The following MACROD2 variants were observed in gnomAD, a reference collection of about 807,000 sequenced individuals.
MACROD2 encodes the protein ADP-ribose glycohydrolase MACROD2.
Under a neutral mutation model 70.4 loss-of-function variants are expected in MACROD2, and 36 were observed. The ratio of observed to expected loss-of-function variants is 0.51; its 90% CI spans 0.39 to 0.68. MACROD2 has a LOEUF of 0.68. Ranked by LOEUF, MACROD2 falls within the 30% of genes least tolerant of loss-of-function variation. The pLI is 0.00. For missense variants in MACROD2, 496 were observed against 538.4 expected (o/e 0.92, Z 0.78); for synonymous variants, 172 against 178.8 (o/e 0.96, Z 0.30).
rs1004882513 is a variant in MACROD2 at position 14,295,393 on chromosome 20, G to C, written c.272-198086G>C. On this transcript the variant is annotated intron_variant, in intron 3 of 17. Coordinates refer to ENST00000684519, the MANE Select transcript of MACROD2 (RefSeq NM_001351661.2). The stretch of plus-strand genomic sequence containing the variant: ...ACCTGAGAGGAGGGAAATCAATAAG[G>C]CCGGCCCAACAATTGTCCCAGCTTC... Among the ~76,000 whole-genome samples, 18 of 151,874 alleles carry C rather than the reference G, an allele frequency of 1.2e-4. 1 individual carries two copies. The highest frequency in any genetic ancestry group is 4.1e-4 in the African/African-American group (17 of 41,216).
At chr20:14,444,530 T>A (rs1274348328) in intron 3 of MACROD2, among the ~76,000 whole-genome samples, 4 of 152,088 alleles carry the variant, frequency 2.6e-5, no homozygotes, top group African/African-American at 7.3e-5. Context: ...AGGGCTCTTT[T>A]CTGACTACAT....
At chr20:15,902,810 C>T (rs1388158889) in intron 10 of MACROD2, among the ~76,000 whole-genome samples, 1 of 152,004 alleles carries the variant, frequency 6.6e-6, no homozygotes, top group East Asian at 1.9e-4. Context: ...TGACTGCAGA[C>T]GTAGCTGACA....
chr20:15,449,537 C>T (rs1268834391), intron 7 of MACROD2, among the ~76,000 whole-genome samples: 5 of 152,130 alleles, frequency 3.3e-5, no homozygotes, highest in Admixed American at 3.3e-4. Context: ...GTTTCTTATG[C>T]ATTTTCCAAA....
intron 5 of MACROD2, among the ~76,000 whole-genome samples, chr20:14,997,201 G>T (rs774561318): frequency 6.6e-6 from 1 of 152,164 alleles, no homozygotes; most frequent in Non-Finnish European, 1.5e-5. Context: ...GTTTTACAAC[G>T]TGGATACCAG....
chr20:14,032,350 A>G (rs1014073077), intron 2 of MACROD2, among the ~76,000 whole-genome samples: 1 of 152,136 alleles, frequency 6.6e-6, no homozygotes, highest in African/African-American at 2.4e-5. Flanking sequence ...GAGGCAGTGC[A>G]TATTTAACAC....
chr20:14,519,715 G>C (rs564086893), intron 4 of MACROD2, among the ~76,000 whole-genome samples: 278 of 152,210 alleles, frequency 1.8e-3, no homozygotes, highest in African/African-American at 6.5e-3. Context: ...CCATTATTGG[G>C]TATATACCCA....
At chr20:14,333,583 A>G (rs892039383) in intron 3 of MACROD2, among the ~76,000 whole-genome samples, 13 of 152,166 alleles carry the variant, frequency 8.5e-5, no homozygotes, top group Non-Finnish European at 1.6e-4. Flanking sequence ...AAGTTTGCCT[A>G]CTTTTGTTAA....
At chr20:14,402,744 T>C (rs1340235132) in intron 3 of MACROD2, among the ~76,000 whole-genome samples, 1 of 152,194 alleles carries the variant, frequency 6.6e-6, no homozygotes, top group Non-Finnish European at 1.5e-5. Flanking sequence ...CTAACAATCA[T>C]AAACAGACCA....
intron 8 of MACROD2, among the ~76,000 whole-genome samples, chr20:15,579,558 C>T (rs2048496587): frequency 6.6e-6 from 1 of 152,162 alleles, no homozygotes; most frequent in South Asian, 2.1e-4. Flanking sequence ...GAGGGGAGCC[C>T]TCAGGATGTG....
At position 14,971,590 on chromosome 20, in the gene MACROD2, T is replaced by C. The variant is rs376303229; in HGVS notation, c.419-258350T>C. On this transcript the variant is annotated intron_variant, in intron 5 of 17. Coordinates refer to ENST00000684519, the MANE Select transcript of MACROD2 (RefSeq NM_001351661.2). ...ATATCTTACATTCCTGTGGGTTGAC[T>C]GGGTTCACTGGGGCAGGTCTCACTT... Among the ~76,000 whole-genome samples, 16 of 152,232 alleles carry C rather than the reference T, an allele frequency of 1.1e-4. No homozygotes were observed. In the East Asian group the frequency reaches 2.7e-3, roughly 26 times the overall value.
intron 5 of MACROD2, among the ~76,000 whole-genome samples, chr20:15,026,356 A>G (rs1416996100): frequency 2.0e-5 from 3 of 152,154 alleles, no homozygotes; most frequent in African/African-American, 7.2e-5. Context: ...CTCAAAATGG[A>G]AGGATTTCTA....
chr20:14,412,834 A>C (rs2122870205), intron 3 of MACROD2, among the ~76,000 whole-genome samples: 1 of 152,336 alleles, frequency 6.6e-6, no homozygotes, highest in South Asian at 2.1e-4. Flanking sequence ...ATAGGTTGGT[A>C]GTCTTCCTAA....
intron 4 of MACROD2, among the ~76,000 whole-genome samples, chr20:14,594,764 T>C (rs1272090697): frequency 6.6e-6 from 1 of 152,034 alleles, no homozygotes; most frequent in Non-Finnish European, 1.5e-5. Context: ...TGGTAGGGTG[T>C]ACCTATAGAC....
At chr20:14,640,411 A>AT (rs555203492) in intron 4 of MACROD2, among the ~76,000 whole-genome samples, 4 of 151,620 alleles carry the variant, frequency 2.6e-5, no homozygotes, top group South Asian at 4.2e-4. Context: ...TGAAAAGGAT[A>AT]TTTTTTTTTC....
chr20:14,684,777 C>G, intron 4 of MACROD2, 66 bp from the exon 5 acceptor site: 3 of 1,295,726 alleles, frequency 2.3e-6, no homozygotes, highest in East Asian at 4.8e-5. Flanking sequence ...CTTCCTCTTC[C>G]CATCTTGAGC....
chr20:15,447,546 A>G lies in MACROD2; in HGVS notation c.571+16111A>G, dbSNP rs1568815434. On this transcript the variant is annotated intron_variant, in intron 7 of 17. Transcript: ENST00000684519. ...CAGGCTCTCCAGCCCCAGGGCTGCC[A>G]TGGCCACTTCTCCAGCTCCCATCTC... 1.3e-5 allele frequency among the ~76,000 whole-genome samples: 2 copies of G among 152,126 alleles called. 1 individual carries two copies. Among genetic ancestry groups the G allele is most frequent in the South Asian group, 4.1e-4 (2 of 4,824 alleles).
intron 4 of MACROD2, among the ~76,000 whole-genome samples, chr20:14,611,607 G>T (rs1983175982): frequency 6.6e-6 from 1 of 152,002 alleles, no homozygotes; most frequent in African/African-American, 2.4e-5. Flanking sequence ...CGAAGGGCCT[G>T]GCTCAGTGCC....
At chr20:14,785,381 GA>G (rs889257223) in intron 5 of MACROD2, among the ~76,000 whole-genome samples, 8 of 149,294 alleles carry the variant, frequency 5.4e-5, no homozygotes, top group South Asian at 2.1e-4. Flanking sequence ...ATTTAAACAA[GA>G]AAAAAAAAGC....
intron 3 of MACROD2, among the ~76,000 whole-genome samples, chr20:14,204,791 A>C (rs2148750233): frequency 6.6e-6 from 1 of 152,240 alleles, no homozygotes; most frequent in South Asian, 2.1e-4. Context: ...TTATCTACTC[A>C]CTGTTTTGGT....
Sources: gnomAD v4.1 joint callset for allele counts (sites outside exome capture counted in the v4.1 genomes callset) on GRCh38, gnomAD v4.1.1 for gene constraint, MANE v1.5 for transcripts, NCBI Gene and HGNC (gene_info 2026-07-23, HGNC 2026-07-21) for gene names.